The following ANXA9 variants were observed in gnomAD, a reference collection of about 807,000 sequenced individuals.
The protein encoded by ANXA9 is annexin 31.
A neutral mutation model predicts 51.8 loss-of-function variants in ANXA9; 47 were observed. The ratio of observed to expected loss-of-function variants is 0.91; its 90% CI spans 0.72 to 1.16. The LOEUF (loss-of-function observed/expected upper bound fraction) is 1.16, where lower values mean the gene tolerates loss of function less well. Among genes scored for constraint, ANXA9 ranks in the 50% most tolerant of loss-of-function variants. The pLI, the probability that ANXA9 is intolerant of heterozygous loss-of-function variation, is 0.00. For synonymous variants in ANXA9, 154 were observed against 168.7 expected (o/e 0.91, Z 0.68); for missense variants, 361 against 424.7 (o/e 0.85, Z 1.32).
Position 150,987,962 on chromosome 1 carries a change from C to G in ANXA9, c.697+6C>G, listed in dbSNP as rs1285137412. 6.2e-7 allele frequency: 1 copy of G among 1,614,126 alleles called. No individual in the cohort carries two copies. Among genetic ancestry groups the G allele is most frequent in the East Asian group, 2.2e-5 (1 of 44,884 alleles). ...TCCTGAACACCTCATCCGAGGTACA[C>G]ACAAGCCTTCTTGTCCCCCTAGCTT... On this transcript the variant is annotated splice_donor_region_variant and intron_variant, in intron 10 of 13. Transcript: ENST00000368947.
Position 150,984,617 on chromosome 1 carries a change from A to G in ANXA9, c.413A>G (p.Glu138Gly). 1.2e-6 allele frequency: 2 copies of G among 1,614,112 alleles called. No homozygotes were observed. Among genetic ancestry groups the G allele is most frequent in the Non-Finnish European group, 1.7e-6 (2 of 1,180,028 alleles). ...ASDSAVDVAI[E>G]ILATRTPPQL... ...GATTCTGCTGTGGACGTGGCCATTG[A>G]AATTCTTGCCACTCGAACCCCACCC... The change falls in exon 7 of 14, where the codon GAA becomes GGA. Residue 138 changes from glutamate to glycine, a missense_variant. Transcript: ENST00000368947.
chr1:150,994,028 G>C (rs1303763106), intron 12 of ANXA9, among the ~76,000 whole-genome samples: 1 of 152,092 alleles, frequency 6.6e-6, no homozygotes, highest in East Asian at 1.9e-4. Context: ...TCAGCCTAAG[G>C]GTCCAACCGG....
At chr1:150,988,044 T>C in intron 10 of ANXA9, 47 bp from the exon 11 acceptor site, 1 of 1,613,838 alleles carries the variant, frequency 6.2e-7, no homozygotes, top group South Asian at 1.1e-5. Context: ...TTTCCAGAGA[T>C]AATTAATCCC....
At position 150,986,379 on chromosome 1, in the gene ANXA9, T is replaced by C; in HGVS notation, c.516T>C (p.Ser172=). Residue 172 remains serine, a synonymous_variant, in exon 8 of 14, where the codon AGT becomes AGC. Transcript: ENST00000368947. ...TGGATGACATCACATCTGAGACCAG[T>C]GGCATCTTGCAGGACCTGCTGTTGG... ...EAVDDITSET[S]GILQDLLLAL... is the part of the protein sequence containing the mutation. The C allele has an allele frequency of 6.2e-7, 1 of 1,614,088 alleles. No homozygotes were observed. Among genetic ancestry groups the C allele is most frequent in the South Asian group, 1.1e-5 (1 of 91,076 alleles).
chr1:150,978,429 C>CAATA (rs1302403579), upstream of ANXA9, among the ~76,000 whole-genome samples: 8 of 151,966 alleles, frequency 5.3e-5, no homozygotes, highest in Admixed American at 2.0e-4. Context: ...GACTCGGTCT[C>CAATA]AATAAATAAA....
Position 150,994,607 on chromosome 1 carries a change from C to A in ANXA9, c.883C>A (p.Arg295Ser). The A allele has an allele frequency of 6.2e-7, 1 of 1,613,968 alleles. No individual in the cohort carries two copies. The highest frequency in any genetic ancestry group is 8.5e-7 in the Non-Finnish European group (1 of 1,179,926). ...TGAGCCCAATTACCAAGTCCTGATT[C>A]GCATCCTTATCTCTCGATGTGAGAC... ...ETEPNYQVLI[R>S]ILISRCETDL... Residue 295 changes from arginine to serine, a missense_variant, in exon 13 of 14, where the codon CGC (arginine) becomes AGC (serine). Coordinates refer to ENST00000368947, the MANE Select transcript of ANXA9 (RefSeq NM_003568.3).
In ANXA9 at chr1:150,994,437, C is replaced by A; in HGVS notation, c.853-140C>A. 7 of 1,330,310 alleles carry A rather than the reference C, an allele frequency of 5.3e-6. No homozygotes were observed. In the South Asian group the frequency reaches 9.1e-5, roughly 17 times the overall value. The allele number at this position is 1,330,310 out of a possible 1,614,324, so 82.4% of individuals were successfully genotyped here. ...GGATGGACAAACATAACTTTTGTCC[C>A]GAGATAATGTATAATGTACACTCTT... On this transcript the variant is annotated intron_variant, in intron 12 of 13. Coordinates refer to ENST00000368947, the MANE Select transcript of ANXA9 (RefSeq NM_003568.3).
intron 6 of ANXA9, 47 bp from the exon 7 acceptor site, chr1:150,984,539 T>A: frequency 3.2e-6 from 5 of 1,575,638 alleles, no homozygotes; most frequent in Non-Finnish European, 4.4e-6. Flanking sequence ...CTGTCTGCCA[T>A]CCTAATGACA....
At chr1:150,986,797 T>G (rs1671571330) in intron 9 of ANXA9, 136 bp downstream of exon 9, 4 of 855,088 alleles carry the variant, frequency 4.7e-6, no homozygotes, top group Non-Finnish European at 5.4e-6. Context: ...AGTTCTCAGT[T>G]ATGTGGTAGG....
At chr1:150,990,471 A>G (rs1671668463) in intron 12 of ANXA9, among the ~76,000 whole-genome samples, 1 of 151,944 alleles carries the variant, frequency 6.6e-6, no homozygotes, top group Non-Finnish European at 1.5e-5. Context: ...GGTTCAAGTG[A>G]TTCTCTGGCC....
chr1:150,994,550 C>G, intron 12 of ANXA9, 27 bp from the exon 13 acceptor site: 1 of 1,611,900 alleles, frequency 6.2e-7, no homozygotes, highest in Non-Finnish European at 8.5e-7. Flanking sequence ...TCACTAACTA[C>G]CCCCCATCTC....
upstream of ANXA9, among the ~76,000 whole-genome samples, chr1:150,979,909 C>CTA: frequency 6.6e-6 from 1 of 152,164 alleles, no homozygotes; most frequent in East Asian, 1.9e-4. Flanking sequence ...AACATAAACA[C>CTA]TATTACTTGT....
chr1:150,979,001 T>C (rs267734), upstream of ANXA9, among the ~76,000 whole-genome samples: 21,595 of 151,706 alleles, frequency 0.14, 2,004 homozygotes, highest in Non-Finnish European at 0.21. Context: ...TTAGATCCTC[T>C]CTAAGATTTC....
chr1:150,988,884 A>G (rs892133995), intron 12 of ANXA9, among the ~76,000 whole-genome samples: 7 of 152,042 alleles, frequency 4.6e-5, no homozygotes, highest in Non-Finnish European at 8.8e-5. Context: ...TAAGATATTG[A>G]CCATCCTTGT....
At chr1:150,984,234 C>T (rs1173452837) in intron 5 of ANXA9, 47 bp from the exon 6 acceptor site, 8 of 1,577,332 alleles carry the variant, frequency 5.1e-6, no homozygotes, top group African/African-American at 2.7e-5. Context: ...CTTCTGGGGC[C>T]CTTCCCCTCA....
intron 13 of ANXA9, 112 bp from the exon 14 acceptor site, chr1:150,995,148 G>A: frequency 5.4e-6 from 6 of 1,106,254 alleles, no homozygotes; most frequent in Non-Finnish European, 6.5e-6. Flanking sequence ...GAGCTCCCGG[G>A]AGGACCCTTC....
chr1:150,990,483 C>A (rs1374628939), intron 12 of ANXA9, among the ~76,000 whole-genome samples: 3 of 152,110 alleles, frequency 2.0e-5, no homozygotes, highest in Admixed American at 2.0e-4. Context: ...TCTCTGGCCT[C>A]TGTGTCTTAA....
chr1:150,990,293 A>C (rs1419918240), intron 12 of ANXA9, among the ~76,000 whole-genome samples: 1 of 133,878 alleles, frequency 7.5e-6, no homozygotes, highest in South Asian at 2.3e-4. Flanking sequence ...CCTGGGTAAC[A>C]GAGCAAGACC....
At chr1:150,982,971 T>TC in intron 2 of ANXA9, 119 bp from the exon 3 acceptor site, 1 of 698,048 alleles carries the variant, frequency 1.4e-6, no homozygotes, top group Non-Finnish European at 2.4e-6. Flanking sequence ...GATCTTTTTT[T>TC]CTGCAGCAAG....
Sources: allele counts gnomAD v4.1 joint callset (sites outside exome capture counted in the v4.1 genomes callset), GRCh38; gene constraint gnomAD v4.1.1; transcripts MANE v1.5; gene names NCBI Gene and HGNC (gene_info 2026-07-23, HGNC 2026-07-21).